Variants in EEFSEC observed in about 807,000 individuals in gnomAD.
EEFSEC encodes the protein selenocysteine-specific elongation factor.
Under a neutral mutation model 42.1 loss-of-function variants are expected in EEFSEC, and 43 were observed. That is an observed-to-expected ratio of 1.02 (90% CI 0.80 to 1.32). The LOEUF (loss-of-function observed/expected upper bound fraction) is 1.32. Ranked by LOEUF, EEFSEC falls within the 40% of genes most tolerant of loss-of-function variation. The pLI is 0.00. For synonymous variants in EEFSEC, 354 were observed against 339.1 expected, an observed-to-expected ratio of 1.04 and a Z score of -0.48; for missense variants, 745 against 803.6, an observed-to-expected ratio of 0.93 and a Z score of 0.88.
chr3:128,233,954 G>A (rs150319927), intron 1 of EEFSEC, among the ~76,000 whole-genome samples: 6 of 152,220 alleles, frequency 3.9e-5, no homozygotes, highest in African/African-American at 1.2e-4. Flanking sequence ...TGTGCCTGGT[G>A]CATTCTTAAG....
At chr3:128,389,082 G>A (rs1285921824) in intron 6 of EEFSEC, among the ~76,000 whole-genome samples, 12 of 152,238 alleles carry the variant, frequency 7.9e-5, no homozygotes, top group African/African-American at 2.4e-4. Flanking sequence ...TGTGCCCTGG[G>A]CCGAGGCAGC....
intron 4 of EEFSEC, among the ~76,000 whole-genome samples, chr3:128,288,629 C>A (rs2066611113): frequency 6.6e-6 from 1 of 152,228 alleles, no homozygotes; most frequent in African/African-American, 2.4e-5. Flanking sequence ...ATACAGCAAG[C>A]TGCCAGTACA....
rs1052879735 is a variant in EEFSEC at position 128,173,658 on chromosome 3, G to A, written c.316+19835G>A. Among the ~76,000 whole-genome samples the A allele has an allele frequency of 2.6e-5, 4 of 152,076 alleles. No homozygotes were observed. In the East Asian group the frequency reaches 5.8e-4, roughly 22 times the overall value. On this transcript the variant is annotated intron_variant, in intron 1 of 6. Coordinates refer to ENST00000254730, the MANE Select transcript of EEFSEC (RefSeq NM_021937.5). Reference sequence around the variant, plus strand: ...AATTTTTATTTCCCTTCTCCTTATCGGTTCCCCTACTGAAATGTTCCTGCA... The same window carrying A: ...AATTTTTATTTCCCTTCTCCTTATCAGTTCCCCTACTGAAATGTTCCTGCA...
At chr3:128,222,851 C>T (rs1338635524) in intron 1 of EEFSEC, among the ~76,000 whole-genome samples, 1 of 152,188 alleles carries the variant, frequency 6.6e-6, no homozygotes, top group Admixed American at 6.5e-5. Flanking sequence ...GTCCCAGGTT[C>T]CTGGAGCTTC....
chr3:128,314,522 T>G (rs1210815475), intron 4 of EEFSEC, among the ~76,000 whole-genome samples: 1 of 152,108 alleles, frequency 6.6e-6, no homozygotes, highest in Non-Finnish European at 1.5e-5. Context: ...TTTTGTCGTT[T>G]TTGTAGAGAT....
chr3:128,270,388 A>G (rs892670451), intron 4 of EEFSEC, among the ~76,000 whole-genome samples: 7 of 152,146 alleles, frequency 4.6e-5, no homozygotes, highest in African/African-American at 9.7e-5. Flanking sequence ...TATGAATCCA[A>G]TCAATGTTCT....
the EEFSEC span, among the ~76,000 whole-genome samples, chr3:128,415,505 T>C: frequency 0.044 from 6,657 of 152,174 alleles, 489 homozygotes; most frequent in African/African-American, 0.15. Context: ...AGATAGCCAA[T>C]AGTCAGCAGC....
At chr3:128,235,339 G>T (rs956356248) in intron 1 of EEFSEC, among the ~76,000 whole-genome samples, 1 of 152,080 alleles carries the variant, frequency 6.6e-6, no homozygotes, top group Non-Finnish European at 1.5e-5. Context: ...AAAGTGCTGG[G>T]ATTATAGGCC....
intron 1 of EEFSEC, among the ~76,000 whole-genome samples, chr3:128,203,865 C>T (rs763572071): frequency 2.4e-4 from 36 of 152,170 alleles, no homozygotes; most frequent in Non-Finnish European, 1.9e-4. Context: ...GATAGGAAAC[C>T]TGGTTTTGGA....
intron 6 of EEFSEC, among the ~76,000 whole-genome samples, chr3:128,363,822 C>A (rs1576673511): frequency 6.6e-6 from 1 of 152,188 alleles, no homozygotes; most frequent in African/African-American, 2.4e-5. Context: ...CCCAGGCCCA[C>A]GAGGGCCACT....
chr3:128,249,549 C>G (rs539155649), intron 2 of EEFSEC, among the ~76,000 whole-genome samples: 1 of 152,082 alleles, frequency 6.6e-6, no homozygotes, highest in African/African-American at 2.4e-5. Context: ...TTTTTCATGA[C>G]CCCCAACATA....
chr3:128,234,602 T>G (rs2065989938), intron 1 of EEFSEC, among the ~76,000 whole-genome samples: 1 of 152,224 alleles, frequency 6.6e-6, no homozygotes, highest in Non-Finnish European at 1.5e-5. Flanking sequence ...TGAAACCTCA[T>G]TAACAGAAAA....
chr3:128,330,370 G>C (rs561938485), intron 4 of EEFSEC, among the ~76,000 whole-genome samples: 1 of 152,184 alleles, frequency 6.6e-6, no homozygotes, highest in Non-Finnish European at 1.5e-5. Flanking sequence ...CAGGCACTGT[G>C]CTGAGGATCG....
intron 6 of EEFSEC, chr3:128,362,275 T>A (rs1349059993): frequency 2.0e-6 from 1 of 509,230 alleles, no homozygotes; most frequent in Non-Finnish European, 4.1e-6. Flanking sequence ...CAGCCCCTCC[T>A]GTTCCCACTT....
chr3:128,153,988 A>C, intron 1 of EEFSEC, 165 bp downstream of exon 1: 2 of 1,000,550 alleles, frequency 2.0e-6, no homozygotes, highest in Non-Finnish European at 2.7e-6. Flanking sequence ...AGGGCTCCGC[A>C]GCAAGTGAGC....
At chr3:128,422,019 G>T in the EEFSEC span, among the ~76,000 whole-genome samples, 1 of 152,182 alleles carries the variant, frequency 6.6e-6, no homozygotes. Flanking sequence ...GCAGCTCTGG[G>T]GCAGTCGTGA....
chr3:128,264,889 A>T, intron 4 of EEFSEC, 108 bp downstream of exon 4: 2 of 1,335,942 alleles, frequency 1.5e-6, no homozygotes, highest in Admixed American at 2.5e-5. Context: ...CTGCCCTGGG[A>T]CTCCCACTGC....
At chr3:128,342,047 G>T (rs1487130439) in intron 5 of EEFSEC, among the ~76,000 whole-genome samples, 158 bp downstream of exon 5, 1 of 152,242 alleles carries the variant, frequency 6.6e-6, no homozygotes, top group Admixed American at 6.5e-5. Context: ...GCCCAGAATG[G>T]TCAGGTGGCC....
At chr3:128,163,219 TG>T (rs138329729) in intron 1 of EEFSEC, among the ~76,000 whole-genome samples, 3,855 of 152,094 alleles carry the variant, frequency 0.025, 75 homozygotes, top group Non-Finnish European at 0.04. Context: ...CCAGTCTTGG[TG>T]GGGGTAGAGC....
Sources: gnomAD v4.1 joint callset for allele counts (sites outside exome capture counted in the v4.1 genomes callset) on GRCh38, gnomAD v4.1.1 for gene constraint, MANE v1.5 for transcripts, NCBI Gene and HGNC (gene_info 2026-07-23, HGNC 2026-07-21) for gene names.